Variants in NRCAM observed in about 807,000 individuals in gnomAD.
NRCAM encodes NgCAM-related cell adhesion molecule.
A neutral mutation model predicts 156.5 loss-of-function variants in NRCAM; 83 were observed. The ratio of observed to expected loss-of-function variants is 0.53; its 90% CI spans 0.44 to 0.64. The LOEUF is 0.64. Among genes scored for constraint, NRCAM ranks in the 30% least tolerant of loss-of-function variants. The pLI, the probability that NRCAM is intolerant of heterozygous loss-of-function variation, is 0.00. For missense variants in NRCAM, 1,417 were observed against 1,597.3 expected, an observed-to-expected ratio of 0.89 and a Z score of 1.92; for synonymous variants, 538 against 563.9, an observed-to-expected ratio of 0.95 and a Z score of 0.65.
chr7:108,329,542 T>C (rs1385639579), intron 2 of NRCAM, among the ~76,000 whole-genome samples: 1 of 152,224 alleles, frequency 6.6e-6, no homozygotes, highest in Non-Finnish European at 1.5e-5. Context: ...TTTACTGTAT[T>C]TTCAATTACG....
At chr7:108,203,586 C>T (rs1249434593) in intron 13 of NRCAM, among the ~76,000 whole-genome samples, 3 of 152,068 alleles carry the variant, frequency 2.0e-5, no homozygotes, top group African/African-American at 4.8e-5. Context: ...TATGTGCACT[C>T]GGCAGCCAGA....
chr7:108,394,455 G>C (rs865884113), intron 2 of NRCAM, among the ~76,000 whole-genome samples: 2 of 152,136 alleles, frequency 1.3e-5, no homozygotes, highest in African/African-American at 2.4e-5. Context: ...TACTGCTTTG[G>C]TTTATGTGTA....
intron 2 of NRCAM, among the ~76,000 whole-genome samples, chr7:108,383,836 T>C (rs1032361477): frequency 6.6e-6 from 1 of 152,174 alleles, no homozygotes; most frequent in Non-Finnish European, 1.5e-5. Context: ...GTTTTTTTCT[T>C]CTGACTCTCA....
intron 1 of NRCAM, among the ~76,000 whole-genome samples, chr7:108,405,434 AAC>A (rs552477211): frequency 2.6e-5 from 4 of 152,302 alleles, no homozygotes; most frequent in Middle Eastern, 3.4e-3. Flanking sequence ...AGGGCTTGCA[AAC>A]ACCTCTTTGA....
At chr7:108,360,365 A>G (rs1181107906) in intron 2 of NRCAM, among the ~76,000 whole-genome samples, 1 of 152,212 alleles carries the variant, frequency 6.6e-6, no homozygotes, top group Non-Finnish European at 1.5e-5. Flanking sequence ...AGCCCTGAAA[A>G]AGAGGCACAG....
intron 32 of NRCAM, 71 bp downstream of exon 32, chr7:108,159,392 G>A: frequency 7.6e-7 from 1 of 1,315,232 alleles, no homozygotes; most frequent in South Asian, 1.2e-5. Context: ...AGCATATTCT[G>A]GCTGAGTTCT....
intron 32 of NRCAM, among the ~76,000 whole-genome samples, chr7:108,155,244 A>G (rs2044610204): frequency 6.6e-6 from 1 of 151,806 alleles, no homozygotes; most frequent in Non-Finnish European, 1.5e-5. Flanking sequence ...TTTTAATGAG[A>G]AAGTTTAAGG....
intron 11 of NRCAM, among the ~76,000 whole-genome samples, chr7:108,210,897 G>C (rs1588397810): frequency 6.6e-6 from 1 of 152,178 alleles, no homozygotes; most frequent in Admixed American, 6.5e-5. Flanking sequence ...CTCTGAATAA[G>C]AACAGCTCAG....
At chr7:108,199,194 A>T (rs939862342) in intron 13 of NRCAM, among the ~76,000 whole-genome samples, 6 of 152,204 alleles carry the variant, frequency 3.9e-5, no homozygotes, top group Non-Finnish European at 8.8e-5. Context: ...AAGGATGTGC[A>T]TCTAAGACAC....
At chr7:108,285,405 G>A (rs1389147555) in intron 3 of NRCAM, among the ~76,000 whole-genome samples, 1 of 152,186 alleles carries the variant, frequency 6.6e-6, no homozygotes, top group Non-Finnish European at 1.5e-5. Flanking sequence ...TATGTGATGG[G>A]TTTCAATCTG....
intron 2 of NRCAM, among the ~76,000 whole-genome samples, chr7:108,380,623 T>C (rs1033480234): frequency 2.6e-5 from 4 of 152,172 alleles, no homozygotes; most frequent in Admixed American, 6.6e-5. Flanking sequence ...TCTGGTTTTG[T>C]TGTTGATGTA....
intron 1 of NRCAM, among the ~76,000 whole-genome samples, chr7:108,411,986 T>A (rs951154565): frequency 2.6e-5 from 4 of 152,194 alleles, no homozygotes; most frequent in African/African-American, 9.7e-5. Context: ...TGTTTATGTA[T>A]ACACAGATCC....
chr7:108,379,231 T>C (rs910950294), intron 2 of NRCAM, among the ~76,000 whole-genome samples: 1 of 152,168 alleles, frequency 6.6e-6, no homozygotes, highest in African/African-American at 2.4e-5. Context: ...GTAAAACTAC[T>C]ATCTCTGAAA....
At chr7:108,407,874 CT>C (rs1203497839) in intron 1 of NRCAM, among the ~76,000 whole-genome samples, 1 of 152,160 alleles carries the variant, frequency 6.6e-6, no homozygotes. Context: ...CTCAATAAAG[CT>C]GTTAAAAAAG....
chr7:108,259,269 T>A (rs2096798512), intron 3 of NRCAM, among the ~76,000 whole-genome samples: 3 of 152,238 alleles, frequency 2.0e-5, no homozygotes, highest in Non-Finnish European at 4.4e-5. Context: ...ACCACTTAAA[T>A]CCATACAAAT....
At chr7:108,219,650 T>C (rs1290587202) in intron 11 of NRCAM, among the ~76,000 whole-genome samples, 1 of 152,164 alleles carries the variant, frequency 6.6e-6, no homozygotes, top group Non-Finnish European at 1.5e-5. Flanking sequence ...AAATCCAGCA[T>C]CCCTTTATTA....
intron 3 of NRCAM, among the ~76,000 whole-genome samples, chr7:108,272,576 T>TATATATATATACATA (rs1183254931): frequency 6.6e-6 from 1 of 152,130 alleles, no homozygotes; most frequent in African/African-American, 2.4e-5. Flanking sequence ...ACTGGGGGTG[T>TATATATATATACATA]TATAAAACAT....
intron 1 of NRCAM, among the ~76,000 whole-genome samples, chr7:108,406,394 G>T (rs893835357): frequency 9.9e-5 from 15 of 152,156 alleles, no homozygotes; most frequent in African/African-American, 3.6e-4. Context: ...TCATGTAAAG[G>T]GTTGGGAATA....
intron 2 of NRCAM, among the ~76,000 whole-genome samples, chr7:108,319,589 C>T (rs1239244381): frequency 6.6e-5 from 10 of 152,176 alleles, no homozygotes; most frequent in African/African-American, 2.4e-4. Flanking sequence ...CAAATAATCA[C>T]AGAAATGGAT....
Sources: gnomAD v4.1 joint callset for allele counts (sites outside exome capture counted in the v4.1 genomes callset) on GRCh38, gnomAD v4.1.1 for gene constraint, MANE v1.5 for transcripts, NCBI Gene and HGNC (gene_info 2026-07-23, HGNC 2026-07-21) for gene names.